TSHZ3: variants seen among roughly 807,000 people sequenced by gnomAD.
TSHZ3 encodes teashirt homolog 3.
TSHZ3 carries 10 observed loss-of-function variants against 64.5 expected under a neutral mutation model. The ratio of observed to expected loss-of-function variants is 0.16; its 90% CI spans 0.10 to 0.26. The LOEUF is 0.26. Among genes scored for constraint, TSHZ3 ranks in the 10% least tolerant of loss-of-function variants. TSHZ3 has a pLI of 1.00. For missense variants in TSHZ3, 1,242 were observed against 1,421.7 expected (o/e 0.87, Z 2.03); for synonymous variants, 608 against 593.1 (o/e 1.03, Z -0.36).
intron 3 of TSHZ3, among the ~76,000 whole-genome samples, chr19:31,235,334 A>G (rs1975591940): frequency 6.6e-6 from 1 of 152,254 alleles, no homozygotes; most frequent in East Asian, 1.9e-4. Flanking sequence ...GGCTGTGACC[A>G]ACATTTCCCC....
chr19:31,250,473 G>A (rs1297606214), intron 1 of TSHZ3, among the ~76,000 whole-genome samples: 31 of 152,220 alleles, frequency 2.0e-4, no homozygotes. Context: ...CTCCTTACAT[G>A]GGATGTAAAT....
At chr19:31,286,347 C>G (rs1443111720) in intron 1 of TSHZ3, among the ~76,000 whole-genome samples, 1 of 152,154 alleles carries the variant, frequency 6.6e-6, no homozygotes, top group Non-Finnish European at 1.5e-5. Flanking sequence ...GTTCTATAGC[C>G]CAACAACCTT....
intron 1 of TSHZ3, among the ~76,000 whole-genome samples, chr19:31,328,903 C>G (rs1363403104): frequency 6.6e-6 from 1 of 152,218 alleles, no homozygotes; most frequent in Admixed American, 6.5e-5. Flanking sequence ...CATATCCTTT[C>G]AAACATCTTT....
rs767022557 is a variant in TSHZ3, at chr19:31,279,760, G to A, written c.41-8C>T. 6.8e-7 allele frequency: 1 copy of A among 1,479,098 alleles called. No homozygotes were observed. The highest frequency in any genetic ancestry group is 9.0e-7 in the Non-Finnish European group (1 of 1,115,250). The allele number at this position is 1,479,098 out of a possible 1,614,324, so 91.6% of individuals were successfully genotyped here. A position where few individuals can be genotyped will look rare whatever the true frequency, so the allele number is the denominator to read the frequency against. On this transcript the variant is annotated splice_region_variant and splice_polypyrimidine_tract_variant and intron_variant, in intron 1 of 1. Coordinates refer to ENST00000240587, the MANE Select transcript of TSHZ3 (RefSeq NM_020856.4). The surrounding 1 kb of genome is among the most constrained non-coding windows in gnomAD (Gnocchi z 6.4). ...ACTCTTCGGAAACATAGGCTGCCATGATAACAGGTGGGAAAGAGAGACAGG... is the reference window on the plus strand; with the variant it reads ...ACTCTTCGGAAACATAGGCTGCCATAATAACAGGTGGGAAAGAGAGACAGG...
chr19:31,164,701 G>C (rs1310199682), intron 5 of TSHZ3, among the ~76,000 whole-genome samples: 1 of 152,176 alleles, frequency 6.6e-6, no homozygotes, highest in Non-Finnish European at 1.5e-5. Context: ...AAGATTTTAA[G>C]GACGCTGCGT....
intron 1 of TSHZ3, among the ~76,000 whole-genome samples, chr19:31,347,847 C>G (rs948483092): frequency 6.6e-6 from 1 of 152,146 alleles, no homozygotes; most frequent in Non-Finnish European, 1.5e-5. Context: ...GTCTGGAGTG[C>G]AGAGTGCAGC....
chr19:31,278,678 G>A lies in TSHZ3; in HGVS notation c.1115C>T (p.Ala372Val), dbSNP rs1976300819. The A allele has an allele frequency of 6.2e-7, 1 of 1,614,140 alleles. No homozygotes were observed. Among genetic ancestry groups the A allele is most frequent in the Non-Finnish European group, 8.5e-7 (1 of 1,180,028 alleles). Residue 372 changes from alanine to valine, a missense_variant, in exon 2 of 2, where the codon GCC (alanine) becomes GTC (valine). Coordinates refer to ENST00000240587, the MANE Select transcript of TSHZ3 (RefSeq NM_020856.4). This position sits in a 1 kb window ranked among gnomAD's most constrained non-coding sequence, Gnocchi z 4.7. ...PNNRYGHQNG[A>V]SYAWHFEARK... ...GGCCTCAAAGTGCCATGCATAGCTG[G>A]CCCCATTCTGGTGGCCGTACCGATT...
intron 1 of TSHZ3, among the ~76,000 whole-genome samples, chr19:31,302,400 GC>G (rs1431263606): frequency 6.6e-6 from 1 of 152,194 alleles, no homozygotes; most frequent in Non-Finnish European, 1.5e-5. Flanking sequence ...CACCATACAT[GC>G]AAAATCAGAA....
intron 5 of TSHZ3, among the ~76,000 whole-genome samples, chr19:31,174,809 G>C (rs1974585362): frequency 6.6e-6 from 1 of 152,182 alleles, no homozygotes; most frequent in South Asian, 2.1e-4. Flanking sequence ...AAGGAGCCAG[G>C]GGGCTGAACA....
chr19:31,266,071 G>T (rs955721634), intron 1 of TSHZ3, among the ~76,000 whole-genome samples: 1 of 152,168 alleles, frequency 6.6e-6, no homozygotes, highest in African/African-American at 2.4e-5. Flanking sequence ...GTTCTGCAGG[G>T]CAGTGGAGAG....
At chr19:31,181,954 G>C (rs1431655456) in intron 5 of TSHZ3, among the ~76,000 whole-genome samples, 3 of 152,114 alleles carry the variant, frequency 2.0e-5, no homozygotes, top group Non-Finnish European at 4.4e-5. Context: ...TGGAGTCCTG[G>C]CCAGATCCTC....
chr19:31,249,389 C>T (rs1467574548), intron 1 of TSHZ3, among the ~76,000 whole-genome samples: 1 of 152,138 alleles, frequency 6.6e-6, no homozygotes, highest in Non-Finnish European at 1.5e-5. Flanking sequence ...TGGTCCCAGG[C>T]TGCTGCAGTC....
chr19:31,314,342 G>A (rs540418944), intron 1 of TSHZ3, among the ~76,000 whole-genome samples: 56 of 152,266 alleles, frequency 3.7e-4, no homozygotes, highest in African/African-American at 1.3e-3. Context: ...AGGCATGGTC[G>A]GCCATCACTG....
At chr19:31,200,764 G>A (rs1375476399) in intron 5 of TSHZ3, among the ~76,000 whole-genome samples, 1 of 152,182 alleles carries the variant, frequency 6.6e-6, no homozygotes, top group Non-Finnish European at 1.5e-5. Flanking sequence ...TTTATCAATT[G>A]TAACAAATGC....
chr19:31,297,589 C>A (rs762423396), intron 1 of TSHZ3, among the ~76,000 whole-genome samples: 14 of 152,128 alleles, frequency 9.2e-5, no homozygotes, highest in Non-Finnish European at 8.8e-5. Context: ...CTCAGCCTCC[C>A]AAGTAGCTGG....
chr19:31,292,941 C>CCAAAAACCCATCCATCCAAA (rs1976595852), intron 1 of TSHZ3, among the ~76,000 whole-genome samples: 1 of 151,448 alleles, frequency 6.6e-6, no homozygotes, highest in Non-Finnish European at 1.5e-5. Context: ...ATCCATCCAA[C>CCAAAAACCCATCCATCCAAA]CAAAAACCCA....
rs1160334453 is a variant in TSHZ3 at position 31,340,338 on chromosome 19, C to CAAA, written c.40+8839_40+8841dup. Among the ~76,000 whole-genome samples the CAAA allele has an allele frequency of 2.3e-3, 76 of 32,746 alleles. 17 individuals carry two copies. Among genetic ancestry groups the CAAA allele is most frequent in the African/African-American group, 7.1e-3 (72 of 10,204 alleles). The allele number at this position is 32,746 out of a possible 152,430, so 21.5% of individuals were successfully genotyped here. Reference sequence around the variant, plus strand: ...ATTAATTAGCAACAGGCCTACAGTACAAAAAAAAAAAAAAAAAAAAAAAAA... The same window carrying CAAA: ...ATTAATTAGCAACAGGCCTACAGTACAAAAAAAAAAAAAAAAAAAAAAAAAAAA... On this transcript the variant is annotated intron_variant, in intron 1 of 1. Transcript: ENST00000240587.
intron 5 of TSHZ3, among the ~76,000 whole-genome samples, chr19:31,182,391 G>C (rs1045006351): frequency 2.6e-5 from 4 of 152,190 alleles, no homozygotes; most frequent in African/African-American, 9.6e-5. Context: ...GCGCCCAGCT[G>C]AAGTCTGCCT....
At chr19:31,339,336 C>T (rs1282592622) in intron 1 of TSHZ3, among the ~76,000 whole-genome samples, 2 of 152,024 alleles carry the variant, frequency 1.3e-5, no homozygotes, top group Non-Finnish European at 2.9e-5. Context: ...ATGAGCATAA[C>T]CTCTCCCGTG....
Sources: allele counts gnomAD v4.1 joint callset (sites outside exome capture counted in the v4.1 genomes callset), GRCh38; gene constraint gnomAD v4.1.1; non-coding constraint Gnocchi (gnomAD v3.1); transcripts MANE v1.5; gene names NCBI Gene and HGNC (gene_info 2026-07-23, HGNC 2026-07-21).